LAMA1: variants seen among roughly 807,000 people sequenced by gnomAD.
LAMA1 encodes the protein laminin subunit alpha 1.
A neutral mutation model predicts 348.7 loss-of-function variants in LAMA1; 219 were observed. That is an observed-to-expected ratio of 0.63 (90% CI 0.56 to 0.70). The LOEUF (loss-of-function observed/expected upper bound fraction) is 0.70, where lower values mean the gene tolerates loss of function less well. LAMA1 is among the 30% of genes least tolerant of loss of function. LAMA1 has a pLI of 0.00. For missense variants in LAMA1, 3,744 were observed against 3,888.0 expected (o/e 0.96, Z 0.99); for synonymous variants, 1,487 against 1,491.0 (o/e 1.00, Z 0.06).
At chr18:6,978,007 G>A in intron 43 of LAMA1, 126 bp from the exon 44 acceptor site, 1 of 1,282,150 alleles carries the variant, frequency 7.8e-7, no homozygotes, top group Non-Finnish European at 1.1e-6. Context: ...ATGACATTGT[G>A]GTACAAAGAT....
At chr18:6,962,819 G>A (rs2057614566) in intron 51 of LAMA1, among the ~76,000 whole-genome samples, 2 of 152,186 alleles carry the variant, frequency 1.3e-5, no homozygotes, top group Non-Finnish European at 2.9e-5. Flanking sequence ...TTGTCCTAAA[G>A]GAAGTAACTG....
chr18:7,038,774 C>A (rs1187070542), intron 11 of LAMA1, 36 bp downstream of exon 11: 1 of 1,607,858 alleles, frequency 6.2e-7, no homozygotes, highest in Non-Finnish European at 8.5e-7. Flanking sequence ...ATACGACCTG[C>A]TCATTAAATC....
At chr18:7,022,774 C>T (rs2057923792) in intron 19 of LAMA1, among the ~76,000 whole-genome samples, 1 of 152,182 alleles carries the variant, frequency 6.6e-6, no homozygotes, top group Non-Finnish European at 1.5e-5. Context: ...TACCATTTCC[C>T]ACCCTTCATC....
chr18:7,044,669 G>A lies in LAMA1; in HGVS notation c.976+53C>T, dbSNP rs187217651. On this transcript the variant is annotated intron_variant, in intron 7 of 62. Coordinates refer to ENST00000389658, the MANE Select transcript of LAMA1 (RefSeq NM_005559.4). ...AAAGTTGTTAAGACACCATAAACTT[G>A]GGACGTATTAAGAGGAAAACTGTAC... The A allele has an allele frequency of 1.1e-5, 14 of 1,312,914 alleles. No homozygotes were observed. The African/African-American group carries it at 3.1e-4, about 29-fold the overall frequency. 81.3% of individuals were successfully genotyped at this position (1,312,914 alleles called of 1,614,324 possible).
chr18:6,945,460 G>C (rs187790918), intron 61 of LAMA1, among the ~76,000 whole-genome samples: 8 of 152,230 alleles, frequency 5.3e-5, no homozygotes, highest in African/African-American at 1.9e-4. Context: ...AGAAACAACC[G>C]GTAAGTCCTG....
At chr18:7,021,619 A>T (rs911609536) in intron 19 of LAMA1, among the ~76,000 whole-genome samples, 4 of 151,536 alleles carry the variant, frequency 2.6e-5, no homozygotes, top group Non-Finnish European at 2.9e-5. Flanking sequence ...TACTTTTAAA[A>T]CCTGATCACA....
At chr18:6,950,074 C>G (rs889041133) in intron 58 of LAMA1, among the ~76,000 whole-genome samples, 3 of 152,188 alleles carry the variant, frequency 2.0e-5, no homozygotes, top group Non-Finnish European at 4.4e-5. Context: ...ATTTTTCAGA[C>G]TTTGCATTCA....
chr18:7,113,392 G>T (rs1360453346), intron 1 of LAMA1, among the ~76,000 whole-genome samples: 3 of 152,214 alleles, frequency 2.0e-5, no homozygotes, highest in African/African-American at 7.2e-5. Context: ...ATGTGACACA[G>T]CAGGACACTG....
intron 1 of LAMA1, among the ~76,000 whole-genome samples, chr18:7,082,402 C>A (rs949997164): frequency 6.6e-6 from 1 of 151,988 alleles, no homozygotes; most frequent in African/African-American, 2.4e-5. Context: ...ATGCTTTATG[C>A]GGAACCAGAT....
intron 16 of LAMA1, among the ~76,000 whole-genome samples, chr18:7,028,811 A>G (rs2057955830): frequency 6.6e-6 from 1 of 152,234 alleles, no homozygotes; most frequent in Admixed American, 6.5e-5. Context: ...CACTGGGGCC[A>G]GGACCAGGCA....
At chr18:7,088,444 A>G (rs938581447) in intron 1 of LAMA1, among the ~76,000 whole-genome samples, 2 of 152,194 alleles carry the variant, frequency 1.3e-5, no homozygotes, top group Non-Finnish European at 2.9e-5. Context: ...CTAGCCATGC[A>G]TGGGTAACAC....
intron 1 of LAMA1, among the ~76,000 whole-genome samples, chr18:7,098,723 G>C (rs867902528): frequency 0.015 from 2,075 of 140,114 alleles, 1 homozygote; most frequent in Non-Finnish European, 0.021. Context: ...GAGGTGGGGG[G>C]GTCAGCCCCC....
intron 10 of LAMA1, among the ~76,000 whole-genome samples, chr18:7,039,430 A>T (rs942984731): frequency 1.2e-4 from 18 of 152,222 alleles, no homozygotes; most frequent in Admixed American, 7.9e-4. Flanking sequence ...CACTGGCACC[A>T]TATTAATGCA....
Position 7,034,536 on chromosome 18 carries a change from T to C in LAMA1, c.1994A>G (p.Asn665Ser), listed in dbSNP as rs780966401. The C allele has an allele frequency of 1.4e-5, 23 of 1,614,044 alleles. No homozygotes were observed. The highest frequency in any genetic ancestry group is 1.2e-4 in the South Asian group (11 of 91,088). The change falls in exon 14 of 63, where the codon AAT becomes AGT. Residue 665 changes from asparagine to serine, a missense_variant. Around this residue, in one of 3 missense-constraint regions of LAMA1, gnomAD observed 1,529 missense variants for 1,689.4 expected, o/e 0.91. Coordinates refer to ENST00000389658, the MANE Select transcript of LAMA1 (RefSeq NM_005559.4). ...DRDQLMTVLA[N>S]VTHLLIRANY... ...GGCTCTGATCAAAAGATGTGTCACATTGGCAAGGACAGTCATCAGCTGGTC... is the reference window on the plus strand; with the variant it reads ...GGCTCTGATCAAAAGATGTGTCACACTGGCAAGGACAGTCATCAGCTGGTC...
At position 7,038,469 on chromosome 18, in the gene LAMA1, G is replaced by A. The variant is rs186372131; in HGVS notation, c.1563+341C>T. On this transcript the variant is annotated intron_variant, in intron 11 of 62. Coordinates refer to ENST00000389658, the MANE Select transcript of LAMA1 (RefSeq NM_005559.4). Reference sequence around the variant, plus strand: ...GCTGGAAAATCCCCATGGCCCCACGGCCCTCTGGGCTCCCAGGCCTGAGAG... The same window carrying A: ...GCTGGAAAATCCCCATGGCCCCACGACCCTCTGGGCTCCCAGGCCTGAGAG... 1.0e-3 allele frequency: 401 copies of A among 383,114 alleles called. 4 individuals carry two copies. Among genetic ancestry groups the A allele is most frequent in the Middle Eastern group, 6.1e-3 (7 of 1,156 alleles). The allele number at this position is 383,114 out of a possible 1,614,324, so 23.7% of individuals were successfully genotyped here. A position where few individuals can be genotyped will look rare whatever the true frequency, so the allele number is the denominator to read the frequency against.
chr18:7,099,505 A>C (rs1170406336), intron 1 of LAMA1, among the ~76,000 whole-genome samples: 2 of 150,708 alleles, frequency 1.3e-5, no homozygotes, highest in Non-Finnish European at 3.0e-5. Flanking sequence ...AAAAAAAATG[A>C]ACTTACACCC....
At chr18:7,088,730 C>A (rs1454155361) in intron 1 of LAMA1, among the ~76,000 whole-genome samples, 2 of 152,024 alleles carry the variant, frequency 1.3e-5, no homozygotes, top group Admixed American at 6.6e-5. Context: ...CTCAATGTTG[C>A]CCAGGCTGGT....
At chr18:6,942,419 C>T (rs996332739) in intron 62 of LAMA1, among the ~76,000 whole-genome samples, 180 bp from the exon 63 acceptor site, 10 of 146,766 alleles carry the variant, frequency 6.8e-5, no homozygotes, top group Admixed American at 2.1e-4. Context: ...TCAGAGAAAA[C>T]TTTTTTTTTT....
chr18:7,021,349 G>T (rs13380971), intron 19 of LAMA1, among the ~76,000 whole-genome samples: 16,950 of 152,162 alleles, frequency 0.11, 1,219 homozygotes, highest in African/African-American at 0.21. Flanking sequence ...TGCAAGCGAA[G>T]AACCAAATCT....
Sources: allele counts gnomAD v4.1 joint callset (sites outside exome capture counted in the v4.1 genomes callset), GRCh38; gene constraint gnomAD v4.1.1; regional missense constraint gnomAD v4.1.1; transcripts MANE v1.5; gene names NCBI Gene and HGNC (gene_info 2026-07-23, HGNC 2026-07-21).